The following RPAP1 variants were observed in gnomAD, a reference collection of about 807,000 sequenced individuals.
The protein encoded by RPAP1 is RNA polymerase II-associated protein 1.
A neutral mutation model predicts 142.4 loss-of-function variants in RPAP1; 109 were observed. That is an observed-to-expected ratio of 0.77 (90% CI 0.66 to 0.90). The LOEUF (loss-of-function observed/expected upper bound fraction) is 0.90, where lower values mean the gene tolerates loss of function less well. Among genes scored for constraint, RPAP1 ranks in the 40% least tolerant of loss-of-function variants. The probability of loss-of-function intolerance (pLI) is 0.00; values close to 1 mark genes in which losing one functional copy is unlikely to be tolerated. For synonymous variants in RPAP1, 704 were observed against 738.9 expected, an observed-to-expected ratio of 0.95 and a Z score of 0.77; for missense variants, 1,546 against 1,751.7, an observed-to-expected ratio of 0.88 and a Z score of 2.10.
rs1235393556 is a variant in RPAP1 at position 41,525,314 on chromosome 15, T to C, written c.1918-166A>G. ...CTTCCTTCTTATTATTTATTTAAAATTTCAATTTTATTATTTTACTTTTTA... is the reference window on the plus strand; with the variant it reads ...CTTCCTTCTTATTATTTATTTAAAACTTCAATTTTATTATTTTACTTTTTA... On this transcript the variant is annotated intron_variant, in intron 14 of 24. Transcript: ENST00000304330. 7.9e-6 allele frequency: 3 copies of C among 379,832 alleles called. No homozygotes were observed. The East Asian group carries it at 1.2e-4, about 15-fold the overall frequency. The allele number at this position is 379,832 out of a possible 1,614,324, so 23.5% of individuals were successfully genotyped here. A position where few individuals can be genotyped will look rare whatever the true frequency, so the allele number is the denominator to read the frequency against.
chr15:41,542,083 T>A (rs2051977344), intron 1 of RPAP1, among the ~76,000 whole-genome samples: 1 of 152,086 alleles, frequency 6.6e-6, no homozygotes, highest in Non-Finnish European at 1.5e-5. Context: ...GCTGTAAATA[T>A]AAAGAAATGG....
In RPAP1 at chr15:41,518,029, A is replaced by T; in HGVS notation, c.3949T>A (p.Phe1317Ile). The T allele has an allele frequency of 6.2e-7, 1 of 1,614,108 alleles. No homozygotes were observed. The highest frequency in any genetic ancestry group is 8.5e-7 in the Non-Finnish European group (1 of 1,179,990). Residue 1317 changes from phenylalanine to isoleucine, a missense_variant, in exon 23 of 25, where the codon TTC becomes ATC. By Grantham distance (21) the Phe-to-Ile change is conservative (BLOSUM62 0). Coordinates refer to ENST00000304330, the MANE Select transcript of RPAP1 (RefSeq NM_015540.4). ...VAVAHVNSFIFSQDPQSSDEV... is the reference protein window; with the variant it reads ...VAVAHVNSFIISQDPQSSDEV... ...ACTGAGCTCTGTGGGTCCTGAGAGA[A>T]GATGAAGCTATTGACATGAGCCACA...
In RPAP1 at chr15:41,517,642, G is replaced by A. The variant is rs371235566; in HGVS notation, c.4082C>T (p.Pro1361Leu). 5.4e-5 allele frequency: 87 copies of A among 1,612,586 alleles called. No individual in the cohort carries two copies. The highest frequency in any genetic ancestry group is 7.1e-5 in the Non-Finnish European group (84 of 1,179,224). The part of the protein sequence containing the change: ...LHYKLPNSTL[P>L]EGFELYSQLP... ...CTGAGAATAGAGCTCAAAGCCCTCT[G>A]GGAGCGTGGAATTGGGAAGCTTATA... Residue 1361 changes from proline to leucine, a missense_variant, in exon 25 of 25, where the codon CCA becomes CTA. Transcript: ENST00000304330.
chr15:41,540,667 C>T (rs1454751855), intron 1 of RPAP1, among the ~76,000 whole-genome samples: 3 of 152,158 alleles, frequency 2.0e-5, no homozygotes, highest in Non-Finnish European at 2.9e-5. Context: ...AGTATTTGCT[C>T]AAGGTCTCAG....
Position 41,529,526 on chromosome 15 carries a change from G to T in RPAP1, c.1102C>A (p.Pro368Thr), listed in dbSNP as rs770810682. ...RFSLQGELLA[P>T]DVDLPTHLGL... ...AGGTGGGTGGGCAGGTCCACGTCAG[G>T]GGCCAGTAGTTCTCCCTGAAGACTG... The change falls in exon 9 of 25, where the codon CCT becomes ACT. Residue 368 changes from proline (P) to threonine (T), a missense_variant. Around this residue, in one of 3 missense-constraint regions of RPAP1, gnomAD observed 1,333 missense variants for 1,486.6 expected, o/e 0.90. Transcript: ENST00000304330. 1.9e-6 allele frequency: 3 copies of T among 1,613,536 alleles called. No homozygotes were observed. In the East Asian group the frequency reaches 6.7e-5, roughly 36 times the overall value.
chr15:41,539,639 A>G (rs1381091872), intron 1 of RPAP1, among the ~76,000 whole-genome samples: 1 of 151,992 alleles, frequency 6.6e-6, no homozygotes, highest in African/African-American at 2.4e-5. Context: ...CATGTTGTAC[A>G]GGCTGGTCTC....
intron 14 of RPAP1, among the ~76,000 whole-genome samples, chr15:41,526,039 T>C (rs187553899): frequency 6.6e-5 from 10 of 151,914 alleles, no homozygotes; most frequent in Admixed American, 6.6e-4. Context: ...ACCCTCCATC[T>C]CCCGGGTTCA....
chr15:41,530,420 C>T (rs76123066), intron 7 of RPAP1, among the ~76,000 whole-genome samples: 2,519 of 152,288 alleles, frequency 0.017, 37 homozygotes, highest in South Asian at 0.051. Flanking sequence ...ACAAATCCCA[C>T]AGCATTTTCC....
rs2051674743 is a variant in RPAP1 at position 41,517,347 on chromosome 15, G to GC, written c.*194dup. 5.9e-6 allele frequency: 3 copies of GC among 505,892 alleles called. No individual in the cohort carries two copies. Among genetic ancestry groups the GC allele is most frequent in the Admixed American group, 3.6e-5 (1 of 28,086 alleles). The allele number at this position is 505,892 out of a possible 1,614,324, so 31.3% of individuals were successfully genotyped here. On this transcript the variant is annotated 3_prime_UTR_variant, in exon 25 of 25. Coordinates refer to ENST00000304330, the MANE Select transcript of RPAP1 (RefSeq NM_015540.4). Reference sequence around the variant, plus strand: ...TCACTCCCAGTACAGACCTTCAGAAGCCCCAGATATCAGGATGTAATGGTA... The same window carrying GC: ...TCACTCCCAGTACAGACCTTCAGAAGCCCCCAGATATCAGGATGTAATGGTA...
intron 7 of RPAP1, among the ~76,000 whole-genome samples, chr15:41,530,259 GAGAA>G (rs1057208061): frequency 6.6e-6 from 1 of 152,142 alleles, no homozygotes; most frequent in Non-Finnish European, 1.5e-5. Flanking sequence ...AAGGAAGAAA[GAGAA>G]AGAAAGGAGA....
intron 1 of RPAP1, among the ~76,000 whole-genome samples, chr15:41,542,096 G>T (rs1466887825): frequency 1.3e-5 from 2 of 152,170 alleles, no homozygotes; most frequent in Non-Finnish European, 2.9e-5. Context: ...AGAAATGGGA[G>T]TAAAATCCAG....
intron 1 of RPAP1, among the ~76,000 whole-genome samples, chr15:41,540,610 T>C (rs1566891417): frequency 6.6e-6 from 1 of 152,164 alleles, no homozygotes; most frequent in Admixed American, 6.6e-5. Context: ...CAGTTACTAC[T>C]ATTATTCAAA....
chr15:41,524,041 C>G, intron 16 of RPAP1, 55 bp downstream of exon 16: 1 of 1,603,884 alleles, frequency 6.2e-7, no homozygotes, highest in South Asian at 1.1e-5. Context: ...CTCCAGCCAC[C>G]CCAGCCCTGT....
At chr15:41,520,260 C>T in intron 22 of RPAP1, 131 bp downstream of exon 22, 2 of 1,005,652 alleles carry the variant, frequency 2.0e-6, no homozygotes, top group Non-Finnish European at 1.5e-6. Context: ...CATTGATTCT[C>T]TTAATCCCCT....
chr15:41,534,795 G>A lies in RPAP1; in HGVS notation c.682C>T (p.His228Tyr). The change falls in exon 6 of 25, where the codon CAT becomes TAT. Residue 228 changes from histidine (H) to tyrosine (Y), a missense_variant. Physicochemically the swap from His to Tyr is moderately conservative, Grantham distance 83. Transcript: ENST00000304330. ...TGCAGTCTTGCTATGTTCTCTTCAT[G>A]GATAGTCTGGGCTTCCTGCTCAGCT... The part of the protein sequence containing the change: ...QEAEQEAQTI[H>Y]EENIARLQAM... 2.5e-6 allele frequency: 4 copies of A among 1,614,022 alleles called. No homozygotes were observed. Among genetic ancestry groups the A allele is most frequent in the Non-Finnish European group, 3.4e-6 (4 of 1,179,998 alleles).
intron 1 of RPAP1, among the ~76,000 whole-genome samples, chr15:41,538,199 A>C (rs921527035): frequency 1.1e-4 from 17 of 152,088 alleles, no homozygotes; most frequent in African/African-American, 4.1e-4. Flanking sequence ...TCTGAGATGG[A>C]GCCACTGCAC....
At chr15:41,528,189 G>C (rs2051814812) in intron 10 of RPAP1, 46 bp downstream of exon 10, 1 of 1,540,314 alleles carries the variant, frequency 6.5e-7, no homozygotes, top group Non-Finnish European at 8.9e-7. Context: ...CTGAGGCTGT[G>C]GGGTGAAGGG....
At chr15:41,519,966 GCT>G (rs1281113238) in intron 22 of RPAP1, 2 of 217,074 alleles carry the variant, frequency 9.2e-6, no homozygotes, top group East Asian at 2.2e-4. Flanking sequence ...ACAGGGTCTT[GCT>G]CTGTCACTGG....
chr15:41,523,080 C>T (rs1025162007), intron 18 of RPAP1, 120 bp from the exon 19 acceptor site: 5 of 977,440 alleles, frequency 5.1e-6, no homozygotes, highest in African/African-American at 1.7e-5. Context: ...CAGTGCTGCT[C>T]ACACTCCTCA....
Sources: allele counts gnomAD v4.1 joint callset (sites outside exome capture counted in the v4.1 genomes callset), GRCh38; gene constraint gnomAD v4.1.1; regional missense constraint gnomAD v4.1.1; transcripts MANE v1.5; gene names NCBI Gene and HGNC (gene_info 2026-07-23, HGNC 2026-07-21).